Variants in FARP1 observed in about 807,000 individuals in gnomAD.
FARP1 encodes the protein FERM, ARHGEF and pleckstrin domain-containing protein 1.
FARP1 carries 52 observed loss-of-function variants against 128.8 expected under a neutral mutation model. The ratio of observed to expected loss-of-function variants is 0.40; its 90% CI spans 0.32 to 0.51. The LOEUF (loss-of-function observed/expected upper bound fraction) is 0.51. FARP1 is among the 20% of genes least tolerant of loss of function. The pLI, the probability that FARP1 is intolerant of heterozygous loss-of-function variation, is 0.45. For synonymous variants in FARP1, 580 were observed against 551.8 expected (o/e 1.05, Z -0.72); for missense variants, 1,333 against 1,367.9 (o/e 0.97, Z 0.40).
chr13:98,319,845 A>G (rs1482402094), intron 2 of FARP1, among the ~76,000 whole-genome samples: 1 of 151,974 alleles, frequency 6.6e-6, no homozygotes, highest in Non-Finnish European at 1.5e-5. Context: ...TGCTGGGGGA[A>G]AAAAACAACA....
chr13:98,225,484 T>C (rs1010316517), intron 2 of FARP1, among the ~76,000 whole-genome samples: 35 of 152,200 alleles, frequency 2.3e-4, no homozygotes, highest in African/African-American at 7.7e-4. Context: ...TTGCTAACTG[T>C]GGACTCTGCA....
chr13:98,292,212 G>T (rs1594366412), intron 2 of FARP1, among the ~76,000 whole-genome samples: 1 of 152,218 alleles, frequency 6.6e-6, no homozygotes, highest in African/African-American at 2.4e-5. Flanking sequence ...TATTTTACAA[G>T]TTGGAGGGAG....
intron 2 of FARP1, among the ~76,000 whole-genome samples, chr13:98,268,619 C>G (rs1594340907): frequency 6.6e-6 from 1 of 152,142 alleles, no homozygotes. Flanking sequence ...AGGCGCCCAC[C>G]AACACGCCCG....
At position 98,287,208 on chromosome 13, in the gene FARP1, C is replaced by CTTTT. The variant is rs71111939; in HGVS notation, c.172-56517_172-56514dup. Among the ~76,000 whole-genome samples, 88 of 75,828 alleles carry CTTTT rather than the reference C, an allele frequency of 1.2e-3. 10 individuals carry two copies. Among genetic ancestry groups the CTTTT allele is most frequent in the Non-Finnish European group, 1.4e-3 (61 of 42,102 alleles). 49.7% of individuals were successfully genotyped at this position (75,828 alleles called of 152,430 possible). A position where few individuals can be genotyped will look rare whatever the true frequency, so the allele number is the denominator to read the frequency against. ...TTTCCAAATTAACCATCAGACATGT[C>CTTTT]TTTTTTTTTTTTTTTTTTTTTTTTT... On this transcript the variant is annotated intron_variant, in intron 2 of 26. Transcript: ENST00000319562.
At chr13:98,396,350 C>T (rs1158615614) in intron 13 of FARP1, 5 of 399,046 alleles carry the variant, frequency 1.3e-5, no homozygotes, top group African/African-American at 2.1e-5. Flanking sequence ...ATGCTGATCC[C>T]CGGGAGTCAG....
At chr13:98,257,530 T>C (rs1424803652) in intron 2 of FARP1, among the ~76,000 whole-genome samples, 1 of 152,174 alleles carries the variant, frequency 6.6e-6, no homozygotes, top group East Asian at 1.9e-4. Context: ...CCCAGCACTT[T>C]GGGACGCCAA....
In FARP1 at chr13:98,426,383, A is replaced by AG. The variant is rs1891789127; in HGVS notation, c.1905+1738dup. 2.6e-5 allele frequency among the ~76,000 whole-genome samples: 4 copies of AG among 152,270 alleles called. No homozygotes were observed. In the South Asian group the frequency reaches 6.2e-4, roughly 24 times the overall value. ...TAAGTGCCTGTAGTTCCAGCTACTCAGGGGGCTGAGGGGAGAGGATCACTT... is the reference window on the plus strand; with the variant it reads ...TAAGTGCCTGTAGTTCCAGCTACTCAGGGGGGCTGAGGGGAGAGGATCACTT... On this transcript the variant is annotated intron_variant, in intron 17 of 26. Coordinates refer to ENST00000319562, the MANE Select transcript of FARP1 (RefSeq NM_005766.4).
chr13:98,375,876 G>A (rs1489944313), intron 5 of FARP1, among the ~76,000 whole-genome samples: 1 of 152,054 alleles, frequency 6.6e-6, no homozygotes, highest in African/African-American at 2.4e-5. Flanking sequence ...TGATCCACCC[G>A]CCTCGGCCTC....
In FARP1 at chr13:98,262,614, C is replaced by T. The variant is rs190776797; in HGVS notation, c.171+49201C>T. On this transcript the variant is annotated intron_variant, in intron 2 of 26. Coordinates refer to ENST00000319562, the MANE Select transcript of FARP1 (RefSeq NM_005766.4). ...TCCAGGCATATGTTAATGAAATTCA[C>T]GCATTTTGTGTTTATTGGAATACCG... Among the ~76,000 whole-genome samples the T allele has an allele frequency of 2.9e-3, 440 of 152,266 alleles. 1 individual carries two copies. Among genetic ancestry groups the T allele is most frequent in the African/African-American group, 0.01 (421 of 41,536 alleles).
intron 1 of FARP1, among the ~76,000 whole-genome samples, chr13:98,193,389 T>C (rs1268496286): frequency 1.3e-5 from 2 of 152,190 alleles, no homozygotes; most frequent in Non-Finnish European, 2.9e-5. Flanking sequence ...TTTCCCCTCA[T>C]AGAAGCAGCC....
chr13:98,376,510 C>T (rs9554463), intron 5 of FARP1, among the ~76,000 whole-genome samples: 21,531 of 152,120 alleles, frequency 0.14, 1,707 homozygotes, highest in East Asian at 0.3. Context: ...TTTCTTTGTC[C>T]GTTCATCTGT....
intron 1 of FARP1, 134 bp from the exon 2 acceptor site, chr13:98,213,086 C>A (rs534944531): frequency 1.7e-6 from 1 of 581,782 alleles, no homozygotes; most frequent in Non-Finnish European, 2.9e-6. Context: ...GTGAGTGAAC[C>A]GATGCCTCCC....
At chr13:98,417,959 C>T (rs1190233052) in intron 16 of FARP1, among the ~76,000 whole-genome samples, 2 of 152,174 alleles carry the variant, frequency 1.3e-5, no homozygotes, top group South Asian at 2.1e-4. Context: ...CAGCTTTATC[C>T]ACAGTAGCCA....
rs1886682064 is a variant in FARP1, at chr13:98,315,506, G to C, written c.172-28256G>C. Among the ~76,000 whole-genome samples the C allele has an allele frequency of 2.0e-5, 3 of 152,334 alleles. No homozygotes were observed. The South Asian group carries it at 6.2e-4, about 32-fold the overall frequency. ...CTGAACTTTACAACTCAAGTTACTT[G>C]TGCCCGTTTGTCTCCACTCCTAAAG... is the stretch of plus-strand genomic sequence containing the variant. On this transcript the variant is annotated intron_variant, in intron 2 of 26. Transcript: ENST00000319562.
At chr13:98,448,162 G>GT in intron 26 of FARP1, 74 bp from the exon 27 acceptor site, 1 of 1,294,862 alleles carries the variant, frequency 7.7e-7, no homozygotes, top group Non-Finnish European at 1.1e-6. Context: ...TTGTGTTTCT[G>GT]TAAGCGATGC....
At chr13:98,283,549 G>C (rs1885032782) in intron 2 of FARP1, among the ~76,000 whole-genome samples, 1 of 152,086 alleles carries the variant, frequency 6.6e-6, no homozygotes, top group African/African-American at 2.4e-5. Context: ...AGCTGGTTTT[G>C]TTTCTGTTTT....
chr13:98,404,007 C>CCACCACCACCAT (rs936390356), intron 13 of FARP1: 9 of 151,878 alleles, frequency 5.9e-5, no homozygotes, highest in East Asian at 1.9e-4. Context: ...TCCACCACCA[C>CCACCACCACCAT]CACCACCACC....
chr13:98,346,912 C>T (rs1888201537), intron 3 of FARP1, among the ~76,000 whole-genome samples: 1 of 152,108 alleles, frequency 6.6e-6, no homozygotes, highest in Non-Finnish European at 1.5e-5. Context: ...GTGAGTTCTG[C>T]CTTACAACAT....
intron 1 of FARP1, among the ~76,000 whole-genome samples, chr13:98,186,947 G>A (rs1300597661): frequency 3.0e-5 from 4 of 134,872 alleles, no homozygotes; most frequent in Admixed American, 8.6e-5. Flanking sequence ...AGCCAAGATC[G>A]CGCCACTGCA....
Sources: gnomAD v4.1 joint callset for allele counts (sites outside exome capture counted in the v4.1 genomes callset) on GRCh38, gnomAD v4.1.1 for gene constraint, MANE v1.5 for transcripts, NCBI Gene and HGNC (gene_info 2026-07-23, HGNC 2026-07-21) for gene names.